WDR86: variants seen among roughly 807,000 people sequenced by gnomAD.
The protein encoded by WDR86 is WD repeat domain 86.
Under a neutral mutation model 36.5 loss-of-function variants are expected in WDR86, and 30 were observed. That is an observed-to-expected ratio of 0.82 (90% CI 0.61 to 1.11). The LOEUF is 1.11. WDR86 is among the 50% of genes most tolerant of loss of function. The pLI is 0.00. For missense variants in WDR86, 545 were observed against 561.2 expected (o/e 0.97, Z 0.29); for synonymous variants, 255 against 252.9 (o/e 1.01, Z -0.08).
downstream of WDR86, chr7:151,378,088 T>C (rs1360700654): frequency 6.6e-6 from 1 of 152,256 alleles, no homozygotes; most frequent in Non-Finnish European, 1.5e-5. Context: ...GTTGTTGTTC[T>C]AGCCATGTGA....
intron 1 of WDR86, among the ~76,000 whole-genome samples, chr7:151,403,166 G>T (rs1800461597): frequency 1.4e-5 from 2 of 147,498 alleles, no homozygotes; most frequent in Admixed American, 6.7e-5. Context: ...GCCAAATTTT[G>T]CTTTTTGGAG....
rs1342575169 is a variant in WDR86 at position 151,396,134 on chromosome 7, C to T, written c.368G>A (p.Ser123Asn). ...SSYDRTARVW[S>N]VDKGQMSREF... The stretch of plus-strand genomic sequence containing the variant: ...CCGGGACATCTGCCCCTTGTCCACA[C>T]TCCAGACCCGAGCTGTCCGGTCATA... Residue 123 changes from serine (S) to asparagine (N), a missense_variant, in exon 3 of 6, where the codon AGT becomes AAT. Transcript: ENST00000334493. The T allele has an allele frequency of 1.9e-6, 3 of 1,612,856 alleles. No individual in the cohort carries two copies. The highest frequency in any genetic ancestry group is 1.7e-5 in the Admixed American group (1 of 60,006).
rs941867064 is a variant in WDR86, at chr7:151,381,240, G to A, written c.*342C>T. 6 of 1,300,256 alleles carry A rather than the reference G, an allele frequency of 4.6e-6. No individual in the cohort carries two copies. In the African/African-American group the frequency reaches 9.3e-5, roughly 20 times the overall value. The allele number at this position is 1,300,256 out of a possible 1,614,324, so 80.5% of individuals were successfully genotyped here. On this transcript the variant is annotated 3_prime_UTR_variant, in exon 6 of 6. Coordinates refer to ENST00000334493, the MANE Select transcript of WDR86 (RefSeq NM_198285.3). This position sits in a 1 kb window ranked among gnomAD's most constrained non-coding sequence, Gnocchi z 4.8. ...AAGTCACTTCCTCTCAGCAGGAAAG[G>A]CCCAGTTTCGTGGGGCTGGGGGAGC...
Position 151,381,284 on chromosome 7 carries a change from G to A in WDR86, c.*298C>T. 1 of 1,313,624 alleles carries A rather than the reference G, an allele frequency of 7.6e-7. No individual in the cohort carries two copies. The highest frequency in any genetic ancestry group is 2.2e-5 in the South Asian group (1 of 45,762). 81.4% of individuals were successfully genotyped at this position (1,313,624 alleles called of 1,614,324 possible). ...GGGGAGCTGGGGCAGTCCGCCTGCA[G>A]CCCCTGAGGTGGGAGGGTCCCCAGG... On this transcript the variant is annotated 3_prime_UTR_variant, in exon 6 of 6. Coordinates refer to ENST00000334493, the MANE Select transcript of WDR86 (RefSeq NM_198285.3). This position sits in a 1 kb window ranked among gnomAD's most constrained non-coding sequence, Gnocchi z 4.8.
Position 151,401,741 on chromosome 7 carries a change from C to T in WDR86, c.164-1500G>A, listed in dbSNP as rs1295391655. On this transcript the variant is annotated intron_variant, in intron 1 of 5. Coordinates refer to ENST00000334493, the MANE Select transcript of WDR86 (RefSeq NM_198285.3). This position sits in a 1 kb window ranked among gnomAD's most constrained non-coding sequence, Gnocchi z 4.3. ...ACTGGGGAGATTATCCTAGATTATC[C>T]GGGGGGTCCTAAATACAACCGCAAG... Among the ~76,000 whole-genome samples the T allele has an allele frequency of 3.3e-5, 5 of 151,720 alleles. No individual in the cohort carries two copies. Among genetic ancestry groups the T allele is most frequent in the African/African-American group, 4.8e-5 (2 of 41,306 alleles).
chr7:151,395,249 C>A (rs1799726097), intron 3 of WDR86, among the ~76,000 whole-genome samples: 1 of 152,260 alleles, frequency 6.6e-6, no homozygotes, highest in South Asian at 2.1e-4. Context: ...ACAGTCAACA[C>A]CCGCTCCAGG....
chr7:151,395,212 C>T (rs1799723258), intron 3 of WDR86, among the ~76,000 whole-genome samples: 1 of 152,210 alleles, frequency 6.6e-6, no homozygotes, highest in African/African-American at 2.4e-5. Flanking sequence ...GGCGTTCACC[C>T]TGACAGCACA....
downstream of WDR86, among the ~76,000 whole-genome samples, chr7:151,372,836 G>C (rs1798024662): frequency 6.6e-6 from 1 of 152,164 alleles, no homozygotes; most frequent in Non-Finnish European, 1.5e-5. Flanking sequence ...AGCACGTAAT[G>C]GGGGCATGAG....
chr7:151,402,636 A>G (rs754282229), intron 1 of WDR86, among the ~76,000 whole-genome samples: 10 of 152,176 alleles, frequency 6.6e-5, no homozygotes, highest in Admixed American at 3.3e-4. Context: ...GGGCACCTCC[A>G]GGCCAGAGTC....
chr7:151,402,070 A>AAAAAAATATATATATATAT, intron 1 of WDR86, among the ~76,000 whole-genome samples: 9 of 50,524 alleles, frequency 1.8e-4, no homozygotes, highest in Non-Finnish European at 2.7e-4. Context: ...AAAAAAAAAA[A>AAAAAAATATATATATATAT]ATATATATAT....
At chr7:151,369,938 C>T in the WDR86 span, among the ~76,000 whole-genome samples, 6 of 152,134 alleles carry the variant, frequency 3.9e-5, no homozygotes, top group African/African-American at 9.7e-5. Context: ...GGAGTGGATT[C>T]GTGGGTTCAT....
Position 151,409,673 on chromosome 7 carries a change from C to T in WDR86, c.-84G>A. 1.5e-6 allele frequency: 2 copies of T among 1,296,018 alleles called. No individual in the cohort carries two copies. The highest frequency in any genetic ancestry group is 2.0e-6 in the Non-Finnish European group (2 of 1,025,250). The allele number at this position is 1,296,018 out of a possible 1,614,324, so 80.3% of individuals were successfully genotyped here. A position where few individuals can be genotyped will look rare whatever the true frequency, so the allele number is the denominator to read the frequency against. On this transcript the variant is annotated 5_prime_UTR_variant, in exon 1 of 6. Transcript: ENST00000334493. The surrounding 1 kb of genome is among the most constrained non-coding windows in gnomAD (Gnocchi z 5.2). ...GGGTCCGCGCGGCGGCTCCGTACGA[C>T]TGCGGCCCGCGGCCATCGCGGGGAA...
chr7:151,410,274 G>C (rs1477809396), upstream of WDR86, among the ~76,000 whole-genome samples: 4 of 152,248 alleles, frequency 2.6e-5, no homozygotes, highest in Non-Finnish European at 5.9e-5. Context: ...GGACGAGGGA[G>C]GGGGAGGCGG....
chr7:151,378,162 T>C (rs1381664532), downstream of WDR86: 1 of 152,192 alleles, frequency 6.6e-6, no homozygotes, highest in Non-Finnish European at 1.5e-5. Flanking sequence ...CCGTCCTCAC[T>C]GCGCCACGCA....
At chr7:151,376,554 G>C, downstream of WDR86, 1 of 1,342,016 alleles carries the variant, frequency 7.5e-7, no homozygotes, top group Non-Finnish European at 1.0e-6. Context: ...CATGAGAGTC[G>C]GCTGTCCACT....
intron 1 of WDR86, among the ~76,000 whole-genome samples, chr7:151,408,264 T>C (rs935784325): frequency 1.3e-5 from 2 of 151,154 alleles, no homozygotes; most frequent in Non-Finnish European, 2.9e-5. Flanking sequence ...TGGCACGATC[T>C]TGGCTCACTG....
At chr7:151,397,462 C>T (rs1799905454) in intron 2 of WDR86, among the ~76,000 whole-genome samples, 2 of 152,240 alleles carry the variant, frequency 1.3e-5, no homozygotes, top group Non-Finnish European at 2.9e-5. Context: ...CTCACTCTGT[C>T]GCCCAGGCTG....
chr7:151,396,910 G>C (rs533096285), intron 2 of WDR86, among the ~76,000 whole-genome samples: 2 of 152,378 alleles, frequency 1.3e-5, no homozygotes, highest in South Asian at 4.1e-4. Flanking sequence ...GTAGCCAAGA[G>C]AGTCCATCCA....
chr7:151,407,656 T>C (rs1282347709), intron 1 of WDR86, among the ~76,000 whole-genome samples: 3 of 152,010 alleles, frequency 2.0e-5, no homozygotes, highest in African/African-American at 7.2e-5. Context: ...CTGGCCAACA[T>C]GATGAAGCCC....
Sources: gnomAD v4.1 joint callset for allele counts (sites outside exome capture counted in the v4.1 genomes callset) on GRCh38, gnomAD v4.1.1 for gene constraint, Gnocchi (gnomAD v3.1) non-coding constraint, MANE v1.5 for transcripts, NCBI Gene and HGNC (gene_info 2026-07-23, HGNC 2026-07-21) for gene names.